The following TLL1 variants were observed in gnomAD, a reference collection of about 807,000 sequenced individuals.
TLL1 encodes the protein tolloid like 1.
A neutral mutation model predicts 128.2 loss-of-function variants in TLL1; 49 were observed. The ratio of observed to expected loss-of-function variants is 0.38; its 90% CI spans 0.30 to 0.48. TLL1 has a LOEUF of 0.48. TLL1 is among the 20% of genes least tolerant of loss of function. The pLI is 0.96. For missense variants in TLL1, 1,123 were observed against 1,242.0 expected, an observed-to-expected ratio of 0.90 and a Z score of 1.44; for synonymous variants, 454 against 418.8, an observed-to-expected ratio of 1.08 and a Z score of -1.03.
chr4:165,940,799 AC>A (rs1312657465), intron 1 of TLL1, among the ~76,000 whole-genome samples: 1 of 151,924 alleles, frequency 6.6e-6, no homozygotes, highest in Non-Finnish European at 1.5e-5. Flanking sequence ...CACATGGCCA[AC>A]CTTTGTTATT....
Position 165,977,419 on chromosome 4 carries a change from G to A in TLL1, c.170-11962G>A, listed in dbSNP as rs564987525. Among the ~76,000 whole-genome samples, 40 of 152,164 alleles carry A rather than the reference G, an allele frequency of 2.6e-4. 1 individual carries two copies. In the South Asian group the frequency reaches 8.1e-3, roughly 31 times the overall value. On this transcript the variant is annotated intron_variant, in intron 1 of 20. Transcript: ENST00000061240. ...TCTACCATGATTGTAAGTTTCCTGA[G>A]GCCTCTCCAATCGTGTGGATCAGTG...
At chr4:166,086,920 G>A (rs1250536119) in intron 18 of TLL1, among the ~76,000 whole-genome samples, 1 of 152,068 alleles carries the variant, frequency 6.6e-6, no homozygotes, top group Non-Finnish European at 1.5e-5. Flanking sequence ...TTAAGCATGA[G>A]GTACTGACTG....
At chr4:165,934,909 C>G (rs1226069181) in intron 1 of TLL1, among the ~76,000 whole-genome samples, 1 of 152,090 alleles carries the variant, frequency 6.6e-6, no homozygotes, top group East Asian at 1.9e-4. Flanking sequence ...TTAACCTGAA[C>G]CAAAGATCTG....
chr4:165,886,608 C>G (rs1731172372), intron 1 of TLL1, among the ~76,000 whole-genome samples: 2 of 152,116 alleles, frequency 1.3e-5, no homozygotes, highest in Non-Finnish European at 2.9e-5. Context: ...ATGCACTAGT[C>G]CTATATATAA....
chr4:166,098,387 A>G (rs2111166701), intron 19 of TLL1, among the ~76,000 whole-genome samples: 1 of 149,586 alleles, frequency 6.7e-6, no homozygotes, highest in African/African-American at 2.4e-5. Flanking sequence ...AGTGTTCCTG[A>G]GAAGTGTGTT....
chr4:166,053,413 C>G (rs577686491), intron 12 of TLL1: 2 of 152,048 alleles, frequency 1.3e-5, no homozygotes, highest in South Asian at 4.2e-4. Context: ...GGCTACTCAT[C>G]AGTAGAATGC....
chr4:166,005,112 GT>G (rs951167457), intron 6 of TLL1, among the ~76,000 whole-genome samples: 12 of 151,884 alleles, frequency 7.9e-5, no homozygotes, highest in African/African-American at 2.9e-4. Flanking sequence ...ATCTTCAAAA[GT>G]TTTCTTTTTA....
intron 2 of TLL1, among the ~76,000 whole-genome samples, chr4:165,991,292 T>C (rs2111012806): frequency 6.6e-6 from 1 of 152,120 alleles, no homozygotes; most frequent in East Asian, 1.9e-4. Flanking sequence ...AAAACACTTA[T>C]TCTAAATTTT....
intron 1 of TLL1, among the ~76,000 whole-genome samples, chr4:165,883,067 A>G (rs890291386): frequency 6.6e-6 from 1 of 152,166 alleles, no homozygotes. Flanking sequence ...GGATGAAAAT[A>G]GTTGTAGTAA....
chr4:166,064,822 A>T (rs1454271993), intron 15 of TLL1, among the ~76,000 whole-genome samples: 1 of 152,132 alleles, frequency 6.6e-6, no homozygotes, highest in Non-Finnish European at 1.5e-5. Context: ...TTGCTTATTC[A>T]TCACCTATTT....
intron 16 of TLL1, among the ~76,000 whole-genome samples, chr4:166,069,889 T>C (rs1740733001): frequency 6.6e-6 from 1 of 151,778 alleles, no homozygotes; most frequent in Non-Finnish European, 1.5e-5. Context: ...ATCAGTGTAA[T>C]ATGCTACACT....
chr4:165,984,195 C>A (rs1378558253), intron 1 of TLL1, among the ~76,000 whole-genome samples: 1 of 151,756 alleles, frequency 6.6e-6, no homozygotes, highest in African/African-American at 2.4e-5. Flanking sequence ...GTTTCTGATT[C>A]TATATAAAAT....
Position 165,917,475 on chromosome 4 carries a change from T to G in TLL1, c.169+43402T>G, listed in dbSNP as rs555116372. The stretch of plus-strand genomic sequence containing the variant: ...CTAGTATCCTATGGCTCTTAGTATT[T>G]AATAGGTATCAGGTGTAACTTTTAT... On this transcript the variant is annotated intron_variant, in intron 1 of 20. Coordinates refer to ENST00000061240, the MANE Select transcript of TLL1 (RefSeq NM_012464.5). Among the ~76,000 whole-genome samples, 3 of 152,294 alleles carry G rather than the reference T, an allele frequency of 2.0e-5. No homozygotes were observed. In the East Asian group the frequency reaches 5.8e-4, roughly 29 times the overall value.
intron 1 of TLL1, among the ~76,000 whole-genome samples, chr4:165,970,085 C>A (rs2110976133): frequency 1.3e-5 from 2 of 152,204 alleles, no homozygotes; most frequent in Middle Eastern, 6.8e-3. Flanking sequence ...AAACATTGAG[C>A]TTTAATGAGT....
rs1730600549 is a variant in TLL1, at chr4:165,873,860, C to T, written c.-45C>T. Reference sequence around the variant, plus strand: ...GCACATCAGCGCGGACCGCGGCTGCCTAACCTCTGGGTCCCGTCCCCTCCT... The same window carrying T: ...GCACATCAGCGCGGACCGCGGCTGCTTAACCTCTGGGTCCCGTCCCCTCCT... On this transcript the variant is annotated 5_prime_UTR_variant, in exon 1 of 21. Transcript: ENST00000061240. The T allele has an allele frequency of 2.5e-6, 4 of 1,611,138 alleles. No homozygotes were observed. The highest frequency in any genetic ancestry group is 3.4e-6 in the Non-Finnish European group (4 of 1,179,118).
At chr4:166,011,204 G>C (rs1737679755) in intron 7 of TLL1, among the ~76,000 whole-genome samples, 2 of 151,228 alleles carry the variant, frequency 1.3e-5, no homozygotes, top group Non-Finnish European at 3.0e-5. Flanking sequence ...AAAAATGTTG[G>C]GATTCTGATA....
At chr4:166,023,063 C>T (rs1738314694) in intron 8 of TLL1, among the ~76,000 whole-genome samples, 1 of 152,172 alleles carries the variant, frequency 6.6e-6, no homozygotes, top group African/African-American at 2.4e-5. Context: ...TTGAGCTTTG[C>T]ATGCGATGAT....
intron 20 of TLL1, among the ~76,000 whole-genome samples, 177 bp downstream of exon 20, chr4:166,099,704 C>A (rs1324746153): frequency 6.6e-6 from 1 of 151,194 alleles, no homozygotes; most frequent in Non-Finnish European, 1.5e-5. Context: ...TATCACTTCT[C>A]CACTTCTAAT....
At chr4:166,044,957 T>C (rs1739397425) in intron 12 of TLL1, among the ~76,000 whole-genome samples, 1 of 152,208 alleles carries the variant, frequency 6.6e-6, no homozygotes, top group Non-Finnish European at 1.5e-5. Context: ...TATTTATCAA[T>C]GCAATAGCAG....
Sources: allele counts gnomAD v4.1 joint callset (sites outside exome capture counted in the v4.1 genomes callset), GRCh38; gene constraint gnomAD v4.1.1; transcripts MANE v1.5; gene names NCBI Gene and HGNC (gene_info 2026-07-23, HGNC 2026-07-21).